COL24A1: variants seen among roughly 807,000 people sequenced by gnomAD.
COL24A1 encodes the protein collagen alpha-1(XXIV) chain.
Under a neutral mutation model 253.9 loss-of-function variants are expected in COL24A1, and 224 were observed. That is an observed-to-expected ratio of 0.88 (90% CI 0.79 to 0.99). COL24A1 has a LOEUF of 0.99. Among genes scored for constraint, COL24A1 ranks in the 50% least tolerant of loss-of-function variants. The probability of loss-of-function intolerance (pLI) is 0.00; values close to 1 mark genes in which losing one functional copy is unlikely to be tolerated. For missense variants in COL24A1, 2,131 were observed against 2,068.5 expected, an observed-to-expected ratio of 1.03 and a Z score of -0.59; for synonymous variants, 685 against 673.7, an observed-to-expected ratio of 1.02 and a Z score of -0.26.
intron 55 of COL24A1, among the ~76,000 whole-genome samples, chr1:85,758,231 T>C (rs1666466129): frequency 6.6e-6 from 1 of 151,710 alleles, no homozygotes; most frequent in African/African-American, 2.4e-5. Flanking sequence ...CACACCCCTC[T>C]TTATGATAGA....
At chr1:86,036,729 T>C (rs539738366) in intron 12 of COL24A1, among the ~76,000 whole-genome samples, 18 of 152,276 alleles carry the variant, frequency 1.2e-4, no homozygotes, top group African/African-American at 4.3e-4. Context: ...GGAACAGTAG[T>C]GACAAAATAC....
intron 53 of COL24A1, among the ~76,000 whole-genome samples, chr1:85,762,818 A>C (rs991515688): frequency 6.6e-6 from 1 of 152,240 alleles, no homozygotes; most frequent in Non-Finnish European, 1.5e-5. Context: ...TACAAAATAC[A>C]TATGTTACCT....
At chr1:85,896,513 T>TC (rs1683745277) in intron 28 of COL24A1, 104 bp from the exon 29 acceptor site, 1 of 951,114 alleles carries the variant, frequency 1.1e-6, no homozygotes, top group Non-Finnish European at 1.6e-6. Context: ...TTTTTTTTTT[T>TC]GAGACGGAGT....
At chr1:86,129,213 A>G (rs1482392270) in intron 2 of COL24A1, among the ~76,000 whole-genome samples, 1 of 151,716 alleles carries the variant, frequency 6.6e-6, no homozygotes, top group East Asian at 1.9e-4. Flanking sequence ...CTAGGCTTTT[A>G]CATGTATTAC....
At chr1:85,807,361 T>C (rs904752742) in intron 47 of COL24A1, among the ~76,000 whole-genome samples, 2 of 152,152 alleles carry the variant, frequency 1.3e-5, no homozygotes, top group African/African-American at 2.4e-5. Flanking sequence ...AGAAACATCA[T>C]TGGAAATAGG....
intron 2 of COL24A1, among the ~76,000 whole-genome samples, chr1:86,142,548 C>A (rs200262557): frequency 0.062 from 8,922 of 144,110 alleles, 367 homozygotes; most frequent in East Asian, 0.13. Context: ...AAACAAAAAA[C>A]AAAAAAAACA....
Position 86,092,324 on chromosome 1 carries a change from A to C in COL24A1, c.1600-4T>G. 2 of 1,601,362 alleles carry C rather than the reference A, an allele frequency of 1.2e-6. No individual in the cohort carries two copies. The highest frequency in any genetic ancestry group is 8.5e-7 in the Non-Finnish European group (1 of 1,170,532). On this transcript the variant is annotated splice_region_variant and splice_polypyrimidine_tract_variant and intron_variant, in intron 5 of 59. Transcript: ENST00000370571. ...ATCCTGGATCTCCTTTGGGGCCCTAAATAAAATAGTTATAAAACAGTTGGT... is the reference window on the plus strand; with the variant it reads ...ATCCTGGATCTCCTTTGGGGCCCTACATAAAATAGTTATAAAACAGTTGGT...
At chr1:86,089,914 C>T (rs181816322) in intron 6 of COL24A1, among the ~76,000 whole-genome samples, 81 of 152,276 alleles carry the variant, frequency 5.3e-4, no homozygotes, top group African/African-American at 1.9e-3. Flanking sequence ...ACCCCTACTC[C>T]GTTTCTGTGA....
At chr1:86,029,150 G>GA (rs5775883) in intron 14 of COL24A1, among the ~76,000 whole-genome samples, 80,740 of 148,480 alleles carry the variant, frequency 0.54, 22,167 homozygotes, top group East Asian at 0.74. Flanking sequence ...AAGTTCTCAG[G>GA]AAAAAAAAAA....
intron 53 of COL24A1, among the ~76,000 whole-genome samples, chr1:85,761,995 C>T (rs1666894047): frequency 6.6e-6 from 1 of 151,962 alleles, no homozygotes; most frequent in Non-Finnish European, 1.5e-5. Context: ...AAAATCTCTC[C>T]AAAATAATAC....
chr1:86,058,828 T>A (rs1216047859), intron 9 of COL24A1, among the ~76,000 whole-genome samples: 3 of 152,126 alleles, frequency 2.0e-5, no homozygotes, highest in Admixed American at 6.5e-5. Flanking sequence ...GACAGTATTG[T>A]AAAATCACAA....
intron 47 of COL24A1, among the ~76,000 whole-genome samples, chr1:85,805,665 C>T (rs1671882136): frequency 6.6e-6 from 1 of 152,108 alleles, no homozygotes; most frequent in Non-Finnish European, 1.5e-5. Flanking sequence ...TTATGCCTAC[C>T]TCATGGGGTT....
chr1:85,987,509 C>G, intron 20 of COL24A1, 92 bp downstream of exon 20: 1 of 1,098,034 alleles, frequency 9.1e-7, no homozygotes, highest in Non-Finnish European at 1.4e-6. Flanking sequence ...CAGAAATGTT[C>G]TGATATTCCT....
At chr1:86,124,158 G>A (rs1237983307) in intron 3 of COL24A1, among the ~76,000 whole-genome samples, 1 of 151,832 alleles carries the variant, frequency 6.6e-6, no homozygotes, top group Non-Finnish European at 1.5e-5. Flanking sequence ...AAGAAATTCA[G>A]GGCTGAAAAG....
chr1:85,862,245 G>A (rs1233600123), intron 37 of COL24A1, among the ~76,000 whole-genome samples: 1 of 152,090 alleles, frequency 6.6e-6, no homozygotes, highest in Non-Finnish European at 1.5e-5. Context: ...GTTCCCCACT[G>A]TATCCCTAAT....
chr1:85,810,558 T>C (rs1360303532), intron 47 of COL24A1, among the ~76,000 whole-genome samples: 1 of 152,104 alleles, frequency 6.6e-6, no homozygotes, highest in African/African-American at 2.4e-5. Context: ...CATGTTGAAT[T>C]GTAATCCCCA....
intron 47 of COL24A1, among the ~76,000 whole-genome samples, chr1:85,801,269 A>G (rs974789455): frequency 3.9e-5 from 6 of 152,098 alleles, no homozygotes; most frequent in African/African-American, 1.4e-4. Flanking sequence ...AGATCCATTT[A>G]CCACCCCTTC....
chr1:86,037,238 G>T (rs550423130), intron 12 of COL24A1, among the ~76,000 whole-genome samples: 2 of 152,244 alleles, frequency 1.3e-5, no homozygotes, highest in South Asian at 2.1e-4. Context: ...ATTTCCCAGT[G>T]TTCACACTTT....
Position 85,909,996 on chromosome 1 carries a change from C to T in COL24A1, c.2624G>A (p.Arg875His), listed in dbSNP as rs368069216. ...CGGACCTAGTGGGCCTGGACTTCCACGTTCTCCCTTTTAAGAGAACAAAGA... is the reference window on the plus strand; with the variant it reads ...CGGACCTAGTGGGCCTGGACTTCCATGTTCTCCCTTTTAAGAGAACAAAGA... ...MTGSIGEKGE[R>H]GSPGPLGPQG... The change falls in exon 26 of 60, where the codon CGT becomes CAT. Residue 875 changes from arginine (R) to histidine (H), a missense_variant. Coordinates refer to ENST00000370571, the MANE Select transcript of COL24A1 (RefSeq NM_152890.7). The T allele has an allele frequency of 2.4e-5, 38 of 1,609,716 alleles. No individual in the cohort carries two copies. The African/African-American group carries it at 4.4e-4, about 19-fold the overall frequency.
Sources: allele counts gnomAD v4.1 joint callset (sites outside exome capture counted in the v4.1 genomes callset), GRCh38; gene constraint gnomAD v4.1.1; transcripts MANE v1.5; gene names NCBI Gene and HGNC (gene_info 2026-07-23, HGNC 2026-07-21).